Variants in PCSK5 observed in about 807,000 individuals in gnomAD.
PCSK5 encodes the protein proprotein convertase subtilisin/kexin type 5, also known as prohormone convertase 5.
A neutral mutation model predicts 233.2 loss-of-function variants in PCSK5; 129 were observed. The ratio of observed to expected loss-of-function variants is 0.55; its 90% CI spans 0.48 to 0.64. The LOEUF is 0.64. PCSK5 is among the 30% of genes least tolerant of loss of function. PCSK5 has a pLI of 0.00. For missense variants in PCSK5, 2,076 were observed against 2,430.1 expected, an observed-to-expected ratio of 0.85 and a Z score of 3.06; for synonymous variants, 825 against 879.2, an observed-to-expected ratio of 0.94 and a Z score of 1.09.
intron 5 of PCSK5, among the ~76,000 whole-genome samples, chr9:76,048,689 A>G (rs2153228): frequency 0.17 from 25,316 of 152,210 alleles, 2,679 homozygotes; most frequent in East Asian, 0.49. Context: ...GTACACGACT[A>G]TTAGAGAGAT....
At chr9:76,000,390 G>A (rs1160463160) in intron 3 of PCSK5, among the ~76,000 whole-genome samples, 2 of 152,122 alleles carry the variant, frequency 1.3e-5, no homozygotes, top group African/African-American at 4.8e-5. Flanking sequence ...CCATCTGTAG[G>A]TACAAAATGT....
At position 76,338,397 on chromosome 9, in the gene PCSK5, A is replaced by G; in HGVS notation, c.4916A>G (p.Gln1639Arg). 6.2e-7 allele frequency: 1 copy of G among 1,612,692 alleles called. No homozygotes were observed. Among genetic ancestry groups the G allele is most frequent in the Non-Finnish European group, 8.5e-7 (1 of 1,179,798 alleles). Residue 1639 changes from glutamine to arginine, a missense_variant, in exon 35 of 38, where the codon CAA (glutamine) becomes CGA (arginine). Around this residue, in one of 6 missense-constraint regions of PCSK5, gnomAD observed 1,510 missense variants for 1,538.1 expected, o/e 0.98. Transcript: ENST00000674117. The part of the protein sequence containing the change: ...RSCPDHYYVE[Q>R]STQTCERCHP... ...TGCCCAGACCATTACTATGTAGAGC[A>G]AAGCACACAGACCTGTGAGAGATGC...
intron 1 of PCSK5, among the ~76,000 whole-genome samples, chr9:75,902,214 T>TTAAAAAAAAAAAAAAAAAA (rs1554703242): frequency 1.9e-5 from 1 of 53,300 alleles, no homozygotes; most frequent in Non-Finnish European, 3.5e-5. Context: ...AGACACCATC[T>TTAAAAAAAAAAAAAAAAAA]AAAAAAAAAA....
At chr9:76,246,773 C>T (rs548125516) in intron 24 of PCSK5, among the ~76,000 whole-genome samples, 5 of 152,320 alleles carry the variant, frequency 3.3e-5, no homozygotes, top group East Asian at 1.9e-4. Context: ...TCCGTATGAA[C>T]TGATGGTGAT....
chr9:76,143,517 A>C (rs1263855559), intron 10 of PCSK5, among the ~76,000 whole-genome samples: 1 of 152,100 alleles, frequency 6.6e-6, no homozygotes, highest in Non-Finnish European at 1.5e-5. Flanking sequence ...TGTTCCTATG[A>C]TATGTCTTAC....
intron 3 of PCSK5, among the ~76,000 whole-genome samples, chr9:76,004,725 G>T (rs1268069384): frequency 2.0e-5 from 3 of 152,038 alleles, no homozygotes; most frequent in African/African-American, 7.2e-5. Flanking sequence ...TTCTGAAATT[G>T]GCCCTAGTTT....
intron 5 of PCSK5, among the ~76,000 whole-genome samples, chr9:76,031,414 C>T (rs1470902321): frequency 6.6e-6 from 1 of 152,152 alleles, no homozygotes; most frequent in Non-Finnish European, 1.5e-5. Context: ...CTAGGCTGGG[C>T]ACAGTGACTC....
At chr9:76,089,677 A>G (rs1587612629) in intron 7 of PCSK5, among the ~76,000 whole-genome samples, 1 of 152,234 alleles carries the variant, frequency 6.6e-6, no homozygotes. Context: ...AATACTAAGC[A>G]ATACAGGAGA....
Position 76,037,352 on chromosome 9 carries a change from A to AGTTTGTTT in PCSK5, c.632+10328_632+10335dup, listed in dbSNP as rs139081892. On this transcript the variant is annotated intron_variant, in intron 5 of 37. Transcript: ENST00000674117. ...ACAGTTCTACTTACATGTATTGACA[A>AGTTTGTTT]GTTTGTTTGTTTGTTTGTTTAATTA... Among the ~76,000 whole-genome samples, 8 of 152,208 alleles carry AGTTTGTTT rather than the reference A, an allele frequency of 5.3e-5. No homozygotes were observed. In the East Asian group the frequency reaches 1.5e-3, roughly 29 times the overall value.
intron 24 of PCSK5, among the ~76,000 whole-genome samples, chr9:76,267,590 C>T (rs1321655210): frequency 1.3e-5 from 2 of 152,120 alleles, no homozygotes; most frequent in Non-Finnish European, 2.9e-5. Context: ...TATCACAAAG[C>T]TCTGTGTTAA....
intron 5 of PCSK5, among the ~76,000 whole-genome samples, chr9:76,032,901 G>A (rs905789704): frequency 6.6e-6 from 1 of 152,134 alleles, no homozygotes; most frequent in Admixed American, 6.5e-5. Flanking sequence ...TTGAACGAGC[G>A]GTATGTGGGC....
At chr9:76,089,736 A>T (rs1266482844) in intron 7 of PCSK5, among the ~76,000 whole-genome samples, 1 of 152,242 alleles carries the variant, frequency 6.6e-6, no homozygotes, top group East Asian at 1.9e-4. Flanking sequence ...ACTGACTAAA[A>T]AATAATCACA....
chr9:76,141,493 C>A (rs1288008447), intron 10 of PCSK5, among the ~76,000 whole-genome samples: 1 of 151,960 alleles, frequency 6.6e-6, no homozygotes, highest in Non-Finnish European at 1.5e-5. Flanking sequence ...AATTTACATA[C>A]AATAAAAAAG....
rs188824699 is a variant in PCSK5 at position 76,254,990 on chromosome 9, T to C, written c.3142+14306T>C. Among the ~76,000 whole-genome samples the C allele has an allele frequency of 3.3e-5, 5 of 152,276 alleles. No individual in the cohort carries two copies. In the East Asian group the frequency reaches 7.7e-4, roughly 24 times the overall value. On this transcript the variant is annotated intron_variant, in intron 24 of 37. Coordinates refer to ENST00000674117, the MANE Select transcript of PCSK5 (RefSeq NM_001372043.1). Reference sequence around the variant, plus strand: ...GGAGTGAGGTGTGGGCATCAGTATTTTTTTAAAACGCCCTGGCCAGGCATG... The same window carrying C: ...GGAGTGAGGTGTGGGCATCAGTATTCTTTTAAAACGCCCTGGCCAGGCATG...
intron 5 of PCSK5, among the ~76,000 whole-genome samples, chr9:76,044,013 A>G (rs1829261411): frequency 6.6e-6 from 1 of 152,190 alleles, no homozygotes; most frequent in South Asian, 2.1e-4. Context: ...TTTTTTAAAT[A>G]AAAAAGGGTG....
intron 2 of PCSK5, among the ~76,000 whole-genome samples, chr9:75,951,735 A>T (rs569389279): frequency 6.6e-6 from 1 of 152,220 alleles, no homozygotes; most frequent in Admixed American, 6.5e-5. Flanking sequence ...AAATAATACA[A>T]TAAAATAATA....
chr9:76,176,297 G>T (rs1170254826), intron 14 of PCSK5, among the ~76,000 whole-genome samples: 1 of 152,118 alleles, frequency 6.6e-6, no homozygotes, highest in Non-Finnish European at 1.5e-5. Context: ...TGCTTCCTTT[G>T]TAACAATATA....
At chr9:76,174,891 C>G in intron 13 of PCSK5, 95 bp from the exon 14 acceptor site, 1 of 1,127,714 alleles carries the variant, frequency 8.9e-7, no homozygotes, top group African/African-American at 1.6e-5. Context: ...TCCCACAGTT[C>G]TGTTGCTTTT....
rs1183130307 is a variant in PCSK5 at position 76,328,023 on chromosome 9, T to A, written c.4354T>A (p.Cys1452Ser). 8.1e-6 allele frequency: 13 copies of A among 1,611,804 alleles called. No individual in the cohort carries two copies. The highest frequency in any genetic ancestry group is 1.1e-5 in the Non-Finnish European group (13 of 1,179,054). Residue 1452 changes from cysteine (C) to serine (S), a missense_variant, in exon 33 of 38, where the codon TGC (cysteine) becomes AGC (serine). Cys to Ser is a moderately radical substitution (Grantham distance 112). Transcript: ENST00000674117. Reference sequence around the variant, plus strand: ...CACGCCCACAGATTGCCACAAGTCCTGCTTGACCTGCTCATCATCTGGGAC... The same window carrying A: ...CACGCCCACAGATTGCCACAAGTCCAGCTTGACCTGCTCATCATCTGGGAC... ...TKECRDCHKS[C>S]LTCSSSGTCT...
Sources: gnomAD v4.1 joint callset for allele counts (sites outside exome capture counted in the v4.1 genomes callset) on GRCh38, gnomAD v4.1.1 for gene constraint, gnomAD v4.1.1 regional missense constraint, MANE v1.5 for transcripts, NCBI Gene and HGNC (gene_info 2026-07-23, HGNC 2026-07-21) for gene names.